The following SOS1 variants were observed in gnomAD, a reference collection of about 807,000 sequenced individuals.
SOS1 encodes SOS Ras/Rac guanine nucleotide exchange factor 1, also known as son of sevenless homolog 1.
In SOS1, 25 loss-of-function variants were observed where a neutral mutation model predicts 157.6. The ratio of observed to expected loss-of-function variants is 0.16; its 90% CI spans 0.12 to 0.22. The LOEUF (loss-of-function observed/expected upper bound fraction) is 0.22. Ranked by LOEUF, SOS1 falls within the 10% of genes least tolerant of loss-of-function variation. The probability of loss-of-function intolerance (pLI) is 1.00; values close to 1 mark genes in which losing one functional copy is unlikely to be tolerated. For synonymous variants in SOS1, 528 were observed against 534.0 expected, an observed-to-expected ratio of 0.99 and a Z score of 0.16; for missense variants, 1,237 against 1,599.1, an observed-to-expected ratio of 0.77 and a Z score of 3.86.
intron 2 of SOS1, among the ~76,000 whole-genome samples, chr2:39,060,333 C>A (rs1470199981): frequency 6.6e-6 from 1 of 152,214 alleles, no homozygotes; most frequent in Non-Finnish European, 1.5e-5. Flanking sequence ...TATACCCTTA[C>A]ATACTGCACA....
rs370403409 is a variant in SOS1, at chr2:39,054,121, G to T, written c.720+493C>A. ...TTTTTGTATTTTTAGTAGAGATGGGGTTTCACCGTGTTAGCCAGGATGGTC... is the reference window on the plus strand; with the variant it reads ...TTTTTGTATTTTTAGTAGAGATGGGTTTTCACCGTGTTAGCCAGGATGGTC... On this transcript the variant is annotated intron_variant, in intron 5 of 22. Transcript: ENST00000402219. Among the ~76,000 whole-genome samples the T allele has an allele frequency of 1.1e-3, 167 of 152,228 alleles. 2 individuals carry two copies. In the South Asian group the frequency reaches 0.034, roughly 31 times the overall value.
At chr2:39,058,624 G>A (rs1671296058) in intron 3 of SOS1, 49 bp downstream of exon 3, 1 of 1,583,494 alleles carries the variant, frequency 6.3e-7, no homozygotes, top group East Asian at 2.3e-5. Context: ...TAAAAATGGT[G>A]GGTTTTATTT....
intron 1 of SOS1, among the ~76,000 whole-genome samples, chr2:39,084,423 C>A (rs1269003018): frequency 6.6e-6 from 1 of 151,816 alleles, no homozygotes; most frequent in Non-Finnish European, 1.5e-5. Context: ...ACGAGCAGGA[C>A]AGCATGGAGA....
chr2:39,073,404 T>C (rs140630852), intron 1 of SOS1, among the ~76,000 whole-genome samples: 3 of 152,364 alleles, frequency 2.0e-5, no homozygotes, highest in Admixed American at 6.5e-5. Context: ...GAAAATTTCA[T>C]ATACTTCTTT....
intron 19 of SOS1, among the ~76,000 whole-genome samples, chr2:38,995,821 C>T (rs899968879): frequency 1.3e-5 from 2 of 152,118 alleles, no homozygotes; most frequent in South Asian, 2.1e-4. Context: ...GAGATATTTA[C>T]GAATACATTA....
chr2:39,046,928 T>C (rs1420860642), intron 6 of SOS1, among the ~76,000 whole-genome samples: 1 of 152,232 alleles, frequency 6.6e-6, no homozygotes, highest in Non-Finnish European at 1.5e-5. Context: ...GTAAACGCTC[T>C]TGGTCATTGT....
chr2:39,024,466 C>T (rs1669893794), intron 8 of SOS1, among the ~76,000 whole-genome samples: 1 of 151,072 alleles, frequency 6.6e-6, no homozygotes, highest in Non-Finnish European at 1.5e-5. Context: ...TAGCATACCA[C>T]TAAGCATGTA....
chr2:39,103,484 C>T (rs575396734), intron 1 of SOS1, among the ~76,000 whole-genome samples: 2 of 152,180 alleles, frequency 1.3e-5, no homozygotes, highest in East Asian at 3.9e-4. Flanking sequence ...CTGAGCATAC[C>T]AAAATAAACT....
chr2:39,024,763 A>C (rs1364787766), intron 8 of SOS1, among the ~76,000 whole-genome samples: 1 of 152,156 alleles, frequency 6.6e-6, no homozygotes, highest in East Asian at 1.9e-4. Context: ...AAACCAAAGC[A>C]CTTTGTAAAT....
At chr2:39,117,483 C>G (rs1167199671) in intron 1 of SOS1, among the ~76,000 whole-genome samples, 2 of 152,136 alleles carry the variant, frequency 1.3e-5, no homozygotes, top group African/African-American at 4.8e-5. Context: ...AAGTAGCAGT[C>G]CGGACTGGCT....
chr2:39,063,706 C>A lies in SOS1; in HGVS notation c.213+3922G>T, dbSNP rs554660210. ...TTTTGAAGCACCTATTTTCCTAAAA[C>A]TATACAGCAACTAAAAATCACTCTT... On this transcript the variant is annotated intron_variant, in intron 2 of 22. Coordinates refer to ENST00000402219, the MANE Select transcript of SOS1 (RefSeq NM_005633.4). Among the ~76,000 whole-genome samples the A allele has an allele frequency of 6.6e-5, 10 of 152,232 alleles. No individual in the cohort carries two copies. The South Asian group carries it at 2.1e-3, about 32-fold the overall frequency.
At chr2:39,036,591 T>C (rs912484878) in intron 6 of SOS1, among the ~76,000 whole-genome samples, 1 of 152,154 alleles carries the variant, frequency 6.6e-6, no homozygotes, top group African/African-American at 2.4e-5. Context: ...TTTTTCTTTT[T>C]GGGACGGAGT....
upstream of SOS1, among the ~76,000 whole-genome samples, chr2:39,121,361 T>C (rs1673889528): frequency 6.6e-6 from 1 of 152,186 alleles, no homozygotes; most frequent in Admixed American, 6.5e-5. Flanking sequence ...GTGTACTTTG[T>C]TCCTGAACAC....
chr2:38,988,019 CT>C (rs1668605083), intron 21 of SOS1, among the ~76,000 whole-genome samples: 1 of 152,002 alleles, frequency 6.6e-6, no homozygotes, highest in Non-Finnish European at 1.5e-5. Flanking sequence ...TGGATAGTCC[CT>C]GGGAGTAGAG....
intron 1 of SOS1, among the ~76,000 whole-genome samples, chr2:39,086,753 A>C (rs906852269): frequency 1.3e-5 from 2 of 151,866 alleles, no homozygotes; most frequent in African/African-American, 4.8e-5. Flanking sequence ...GAGTCTGCTG[A>C]CTCCTGGGCT....
chr2:39,038,619 A>G (rs2124569402), intron 6 of SOS1, among the ~76,000 whole-genome samples: 1 of 151,402 alleles, frequency 6.6e-6, no homozygotes, highest in East Asian at 1.9e-4. Flanking sequence ...CTGTAGTCCT[A>G]GCTACTCGGG....
intron 14 of SOS1, 95 bp downstream of exon 14, chr2:39,012,031 G>T: frequency 1.1e-6 from 1 of 927,810 alleles, no homozygotes; most frequent in Non-Finnish European, 1.8e-6. Flanking sequence ...TTTCAGTTAA[G>T]TCTTATGAAA....
In SOS1 at chr2:39,110,068, G is replaced by GTGTGTGTT. The variant is rs1553371515; in HGVS notation, c.87+10267_87+10268insAACACACA. Among the ~76,000 whole-genome samples the GTGTGTGTT allele has an allele frequency of 3.5e-3, 518 of 148,664 alleles. 2 individuals carry two copies. Among genetic ancestry groups the GTGTGTGTT allele is most frequent in the African/African-American group, 0.013 (498 of 38,606 alleles). The stretch of plus-strand genomic sequence containing the variant: ...TGTGTGTGTGTGTGTGTGTGTGTGT[G>GTGTGTGTT]TGTGTGTGTGTATGTGCATGTATGT... On this transcript the variant is annotated intron_variant, in intron 1 of 22. Transcript: ENST00000402219.
chr2:39,107,979 T>C (rs1242929172), intron 1 of SOS1, among the ~76,000 whole-genome samples: 1 of 152,092 alleles, frequency 6.6e-6, no homozygotes, highest in Non-Finnish European at 1.5e-5. Flanking sequence ...ATCCCTCCTA[T>C]CACAATTCTC....
Sources: allele counts gnomAD v4.1 joint callset (sites outside exome capture counted in the v4.1 genomes callset), GRCh38; gene constraint gnomAD v4.1.1; transcripts MANE v1.5; gene names NCBI Gene and HGNC (gene_info 2026-07-23, HGNC 2026-07-21).